The following SRGAP2 variants were observed in gnomAD, a reference collection of about 807,000 sequenced individuals.
SRGAP2 encodes SLIT-ROBO Rho GTPase-activating protein 2.
SRGAP2 carries 15 observed loss-of-function variants against 57.2 expected under a neutral mutation model. The ratio of observed to expected loss-of-function variants is 0.26; its 90% CI spans 0.18 to 0.40. The LOEUF (loss-of-function observed/expected upper bound fraction) is 0.40, where lower values mean the gene tolerates loss of function less well. Among genes scored for constraint, SRGAP2 ranks in the 10% least tolerant of loss-of-function variants. The probability of loss-of-function intolerance (pLI) is 1.00; values close to 1 mark genes in which losing one functional copy is unlikely to be tolerated. For synonymous variants in SRGAP2, 249 were observed against 248.0 expected (o/e 1.00, Z -0.04); for missense variants, 520 against 669.6 (o/e 0.78, Z 2.47).
intron 2 of SRGAP2, among the ~76,000 whole-genome samples, chr1:206,241,016 T>A (rs1668190986): frequency 6.6e-6 from 1 of 152,286 alleles, no homozygotes; most frequent in African/African-American, 2.4e-5. Context: ...AGACCCCATC[T>A]CTACAGATAA....
At chr1:206,327,894 T>C (rs1375827446) in intron 3 of SRGAP2, among the ~76,000 whole-genome samples, 2 of 95,228 alleles carry the variant, frequency 2.1e-5, no homozygotes, top group African/African-American at 1.2e-4. Flanking sequence ...GCCATGCTGG[T>C]GCGCTGCACC....
At chr1:206,243,761 C>G (rs1553309655) in intron 2 of SRGAP2, among the ~76,000 whole-genome samples, 1 of 152,014 alleles carries the variant, frequency 6.6e-6, no homozygotes, top group Non-Finnish European at 1.5e-5. Flanking sequence ...CAGCTCCTCT[C>G]ATTCTGAGTG....
chr1:206,462,624 G>A lies in SRGAP2; in HGVS notation c.*1204G>A, dbSNP rs181419790. 5.9e-5 allele frequency: 9 copies of A among 152,240 alleles called. No homozygotes were observed. In the East Asian group the frequency reaches 1.2e-3, roughly 20 times the overall value. The allele number at this position is 152,240 out of a possible 1,614,324, so 9.4% of individuals were successfully genotyped here. ...TTAGAGAGCCTTAGTTAGATTAAAG[G>A]GAGACCCTACCTCTTAAAACCAGTT... On this transcript the variant is annotated 3_prime_UTR_variant, in exon 23 of 23. Coordinates refer to ENST00000573034, the MANE Select transcript of SRGAP2 (RefSeq NM_015326.5).
At chr1:206,323,563 A>G (rs540765371) in intron 3 of SRGAP2, among the ~76,000 whole-genome samples, 1 of 150,882 alleles carries the variant, frequency 6.6e-6, no homozygotes, top group Non-Finnish European at 1.5e-5. Context: ...TAGCGAACCA[A>G]GAATCCAGCA....
At chr1:206,244,685 T>A (rs1391925816) in intron 2 of SRGAP2, among the ~76,000 whole-genome samples, 1 of 152,122 alleles carries the variant, frequency 6.6e-6, no homozygotes, top group Non-Finnish European at 1.5e-5. Flanking sequence ...ATAAACCATT[T>A]AATTTTTCCA....
chr1:206,372,965 C>T (rs868964123), intron 4 of SRGAP2, among the ~76,000 whole-genome samples: 2,310 of 7,976 alleles, frequency 0.29, 450 homozygotes, highest in Middle Eastern at 0.43. Flanking sequence ...CTTTTCTTTC[C>T]TTTCTTTCTT....
At chr1:206,218,088 C>T (rs1553303776) in intron 2 of SRGAP2, among the ~76,000 whole-genome samples, 2 of 152,108 alleles carry the variant, frequency 1.3e-5, no homozygotes, top group African/African-American at 4.8e-5. Context: ...GCAGGCGGAT[C>T]ACCTAAGGTC....
chr1:206,335,118 CTGAG>C (rs1200153219), intron 3 of SRGAP2, among the ~76,000 whole-genome samples: 1 of 150,114 alleles, frequency 6.7e-6, no homozygotes, highest in Non-Finnish European at 1.5e-5. Context: ...TTTAGTTTAA[CTGAG>C]TGAATGAGTC....
At chr1:206,365,258 G>T (rs1179729710) in intron 4 of SRGAP2, among the ~76,000 whole-genome samples, 2 of 144,036 alleles carry the variant, frequency 1.4e-5, no homozygotes, top group African/African-American at 2.6e-5. Flanking sequence ...AGGAGAAAGA[G>T]TTAAGGATAG....
At chr1:206,434,266 A>G (rs994496224) in intron 14 of SRGAP2, among the ~76,000 whole-genome samples, 28 of 152,354 alleles carry the variant, frequency 1.8e-4, no homozygotes, top group African/African-American at 6.5e-4. Flanking sequence ...GATTTGAGGA[A>G]CAATTGAAAC....
chr1:206,281,654 G>A (rs1463192741), intron 2 of SRGAP2, among the ~76,000 whole-genome samples: 9 of 107,510 alleles, frequency 8.4e-5, no homozygotes, highest in Admixed American at 8.1e-4. Context: ...CCAACATAGC[G>A]AAATCCTGTC....
intron 3 of SRGAP2, 115 bp downstream of exon 3, chr1:206,303,588 T>A (rs1671996950): frequency 1.5e-6 from 1 of 678,634 alleles, no homozygotes; most frequent in African/African-American, 1.8e-5. Context: ...GGCTTCAGAT[T>A]GGTTGAAAGC....
At chr1:206,436,306 T>C (rs965890992) in intron 14 of SRGAP2, among the ~76,000 whole-genome samples, 5 of 152,086 alleles carry the variant, frequency 3.3e-5, no homozygotes, top group African/African-American at 1.2e-4. Context: ...TCAGACCTTA[T>C]GAAACTCCTC....
At chr1:206,218,181 T>C (rs61815496) in intron 2 of SRGAP2, among the ~76,000 whole-genome samples, 4,724 of 144,398 alleles carry the variant, frequency 0.033, 31 homozygotes, top group African/African-American at 0.11. Context: ...TGGTGGCGGG[T>C]GCCTGTAATT....
chr1:206,394,408 C>A (rs1390316588), intron 7 of SRGAP2, among the ~76,000 whole-genome samples: 1 of 152,140 alleles, frequency 6.6e-6, no homozygotes, highest in Non-Finnish European at 1.5e-5. Context: ...AAGTGAGTGG[C>A]AAGAACTTAA....
chr1:206,371,482 G>A (rs1654543663), intron 4 of SRGAP2, among the ~76,000 whole-genome samples: 1 of 151,022 alleles, frequency 6.6e-6, no homozygotes, highest in African/African-American at 2.4e-5. Context: ...TGTAATCCCA[G>A]CACTTTGGGA....
intron 10 of SRGAP2, among the ~76,000 whole-genome samples, chr1:206,410,370 C>A (rs570652741): frequency 6.6e-5 from 10 of 152,278 alleles, no homozygotes; most frequent in East Asian, 3.9e-4. Context: ...ACTTTTTACC[C>A]GTTGCCTTTT....
chr1:206,283,708 A>G (rs1386381558), intron 2 of SRGAP2, among the ~76,000 whole-genome samples: 3 of 150,992 alleles, frequency 2.0e-5, no homozygotes, highest in Admixed American at 6.6e-5. Flanking sequence ...TTTCAGAGTA[A>G]TATAATTTTG....
At chr1:206,459,346 C>A (rs1664080703) in intron 22 of SRGAP2, among the ~76,000 whole-genome samples, 1 of 151,342 alleles carries the variant, frequency 6.6e-6, no homozygotes, top group South Asian at 2.1e-4. Flanking sequence ...TTGCTGTGCC[C>A]ATCACCATCA....
Sources: allele counts gnomAD v4.1 joint callset (sites outside exome capture counted in the v4.1 genomes callset), GRCh38; gene constraint gnomAD v4.1.1; transcripts MANE v1.5; gene names NCBI Gene and HGNC (gene_info 2026-07-23, HGNC 2026-07-21).